The following SLC25A12 variants were observed in gnomAD, a reference collection of about 807,000 sequenced individuals.
SLC25A12 encodes solute carrier family 25 member 12.
SLC25A12 carries 32 observed loss-of-function variants against 83.3 expected under a neutral mutation model. That is an observed-to-expected ratio of 0.38 (90% confidence interval 0.29 to 0.52). The LOEUF is 0.52. Ranked by LOEUF, SLC25A12 falls within the 20% of genes least tolerant of loss-of-function variation. SLC25A12 has a pLI of 0.84. For synonymous variants in SLC25A12, 267 were observed against 291.1 expected (o/e 0.92, Z 0.84); for missense variants, 611 against 835.6 (o/e 0.73, Z 3.31).
At chr2:171,852,835 G>T in intron 4 of SLC25A12, 1 of 295,152 alleles carries the variant, frequency 3.4e-6, no homozygotes. Context: ...AAATATGAAA[G>T]GAAACTTTCT....
At chr2:171,893,618 A>G (rs1438456882) in intron 1 of SLC25A12, among the ~76,000 whole-genome samples, 1 of 152,232 alleles carries the variant, frequency 6.6e-6, no homozygotes, top group Non-Finnish European at 1.5e-5. Context: ...GGAAAGTTAA[A>G]TCACCCAAAT....
chr2:171,802,975 G>GTA (rs1683741323), intron 13 of SLC25A12, among the ~76,000 whole-genome samples: 1 of 152,064 alleles, frequency 6.6e-6, no homozygotes. Flanking sequence ...GTGTGTGTGT[G>GTA]TGTGTGTGTA....
chr2:171,871,982 A>G (rs35208355), intron 2 of SLC25A12, among the ~76,000 whole-genome samples: 113,589 of 147,858 alleles, frequency 0.77, 44,755 homozygotes, highest in East Asian at 0.89. Flanking sequence ...TAGAACAAAA[A>G]TAAAAAGACG....
At chr2:171,800,798 A>G (rs1182104103) in intron 13 of SLC25A12, among the ~76,000 whole-genome samples, 1 of 152,236 alleles carries the variant, frequency 6.6e-6, no homozygotes, top group Admixed American at 6.5e-5. Flanking sequence ...CACAAACCTG[A>G]TACCCACACA....
At chr2:171,891,818 T>G (rs552794256) in intron 2 of SLC25A12, among the ~76,000 whole-genome samples, 1 of 152,384 alleles carries the variant, frequency 6.6e-6, no homozygotes, top group South Asian at 2.1e-4. Context: ...TCTGTTATTA[T>G]AATTACTTCT....
At chr2:171,846,520 T>C (rs1203767593) in intron 4 of SLC25A12, among the ~76,000 whole-genome samples, 3 of 152,018 alleles carry the variant, frequency 2.0e-5, no homozygotes, top group Non-Finnish European at 4.4e-5. Flanking sequence ...CTATAAAAAT[T>C]TTTTTGGCTG....
chr2:171,799,864 C>T (rs1286971110), intron 13 of SLC25A12, among the ~76,000 whole-genome samples: 1 of 152,192 alleles, frequency 6.6e-6, no homozygotes, highest in Non-Finnish European at 1.5e-5. Flanking sequence ...TAGCACTTTG[C>T]TGAGTAATAA....
chr2:171,893,124 A>C (rs1685980337), intron 2 of SLC25A12, 81 bp downstream of exon 2: 7 of 1,094,642 alleles, frequency 6.4e-6, no homozygotes, highest in Non-Finnish European at 1.4e-6. Flanking sequence ...AACATTCCTC[A>C]AAGTTAAGGC....
chr2:171,812,937 C>T (rs1382739891), intron 11 of SLC25A12, among the ~76,000 whole-genome samples: 1 of 151,354 alleles, frequency 6.6e-6, no homozygotes, highest in Non-Finnish European at 1.5e-5. Flanking sequence ...TGAGTGGTAA[C>T]CTGGATTCTT....
chr2:171,863,850 T>C (rs1230681654), intron 3 of SLC25A12, among the ~76,000 whole-genome samples: 1 of 152,196 alleles, frequency 6.6e-6, no homozygotes, highest in Non-Finnish European at 1.5e-5. Context: ...GAGTGAATGA[T>C]CCACAGTGAT....
chr2:171,841,763 T>C (rs563838054), intron 5 of SLC25A12, among the ~76,000 whole-genome samples: 55 of 152,246 alleles, frequency 3.6e-4, no homozygotes, highest in Non-Finnish European at 7.1e-4. Flanking sequence ...CTACCAAAAA[T>C]AGGTAAACCG....
At chr2:171,891,410 A>T (rs1685934508) in intron 2 of SLC25A12, among the ~76,000 whole-genome samples, 1 of 152,124 alleles carries the variant, frequency 6.6e-6, no homozygotes, top group Admixed American at 6.5e-5. Context: ...ATACAGAATC[A>T]CAGTATATTT....
At chr2:171,886,757 AC>A (rs1685831699) in intron 2 of SLC25A12, among the ~76,000 whole-genome samples, 1 of 151,934 alleles carries the variant, frequency 6.6e-6, no homozygotes, top group South Asian at 2.1e-4. Context: ...TGATCCGCCC[AC>A]CTTGGCCTCC....
chr2:171,828,813 C>T lies in SLC25A12; in HGVS notation c.846-1931G>A, dbSNP rs561672170. ...ATCAAATTATATGGATGCTAGAAGA[C>T]AAGGCCTTCATCCAGGGACAAAAGG... is the stretch of plus-strand genomic sequence containing the variant. On this transcript the variant is annotated intron_variant, in intron 8 of 17. Coordinates refer to ENST00000422440, the MANE Select transcript of SLC25A12 (RefSeq NM_003705.5). 2.4e-4 allele frequency among the ~76,000 whole-genome samples: 37 copies of T among 152,148 alleles called. 1 individual carries two copies. Among genetic ancestry groups the T allele is most frequent in the Non-Finnish European group, 4.7e-4 (32 of 68,030 alleles).
Position 171,793,805 on chromosome 2 carries a change from CA to C in SLC25A12, c.1306-39del, listed in dbSNP as rs763948832. 1.5e-5 allele frequency: 25 copies of C among 1,613,484 alleles called. No homozygotes were observed. The African/African-American group carries it at 2.9e-4, about 19-fold the overall frequency. ...GAGAAGAGACAGGCAGATTCCACATCAGAGCCCGACTGGCAGCGTAAAAAAG... is the reference window on the plus strand; with the variant it reads ...GAGAAGAGACAGGCAGATTCCACATCGAGCCCGACTGGCAGCGTAAAAAAG... On this transcript the variant is annotated intron_variant, in intron 13 of 17. Coordinates refer to ENST00000422440, the MANE Select transcript of SLC25A12 (RefSeq NM_003705.5).
intron 8 of SLC25A12, among the ~76,000 whole-genome samples, chr2:171,828,530 C>G (rs541904722): frequency 1.1e-4 from 17 of 152,280 alleles, no homozygotes; most frequent in Non-Finnish European, 2.2e-4. Flanking sequence ...CTTTTGTCAT[C>G]ACCAGATTAT....
In SLC25A12 at chr2:171,850,616, C is replaced by T. The variant is rs896763673; in HGVS notation, c.325+5218G>A. Among the ~76,000 whole-genome samples, 7 of 152,074 alleles carry T rather than the reference C, an allele frequency of 4.6e-5. No individual in the cohort carries two copies. The East Asian group carries it at 1.2e-3, about 25-fold the overall frequency. The stretch of plus-strand genomic sequence containing the variant: ...TCCTGATCTTGTGATCCACCCGCCT[C>T]GGCCTCCCAAAGTGCTGGGATTACA... On this transcript the variant is annotated intron_variant, in intron 4 of 17. Coordinates refer to ENST00000422440, the MANE Select transcript of SLC25A12 (RefSeq NM_003705.5).
At chr2:171,826,584 G>C (rs1684304022) in intron 9 of SLC25A12, among the ~76,000 whole-genome samples, 1 of 152,116 alleles carries the variant, frequency 6.6e-6, no homozygotes, top group Non-Finnish European at 1.5e-5. Context: ...ACTCCAGCCT[G>C]GGCAACACAG....
At chr2:171,826,043 C>CT (rs531861398) in intron 9 of SLC25A12, among the ~76,000 whole-genome samples, 2 of 151,574 alleles carry the variant, frequency 1.3e-5, no homozygotes, top group East Asian at 1.9e-4. Context: ...TCACTAATTA[C>CT]TTTTTTTTTC....
Sources: allele counts gnomAD v4.1 joint callset (sites outside exome capture counted in the v4.1 genomes callset), GRCh38; gene constraint gnomAD v4.1.1; transcripts MANE v1.5; gene names NCBI Gene and HGNC (gene_info 2026-07-23, HGNC 2026-07-21).